The following CRMP1 variants were observed in gnomAD, a reference collection of about 807,000 sequenced individuals.
The protein encoded by CRMP1 is collapsin response mediator protein 1, also known as dihydropyrimidinase-related protein 1.
A neutral mutation model predicts 68.3 loss-of-function variants in CRMP1; 19 were observed. That is an observed-to-expected ratio of 0.28 (90% CI 0.19 to 0.41). The LOEUF is 0.41. Ranked by LOEUF, CRMP1 falls within the 10% of genes least tolerant of loss-of-function variation. The pLI, the probability that CRMP1 is intolerant of heterozygous loss-of-function variation, is 1.00. For synonymous variants in CRMP1, 439 were observed against 399.6 expected, an observed-to-expected ratio of 1.10 and a Z score of -1.18; for missense variants, 791 against 967.4, an observed-to-expected ratio of 0.82 and a Z score of 2.42.
At chr4:5,836,955 G>C (rs760581438) in intron 9 of CRMP1, 49 bp from the exon 10 acceptor site, 1 of 1,548,824 alleles carries the variant, frequency 6.5e-7, no homozygotes, top group Non-Finnish European at 8.7e-7. Context: ...TCATTTTGAA[G>C]GCAAATCCTG....
intron 2 of CRMP1, among the ~76,000 whole-genome samples, chr4:5,863,365 A>G (rs1449250830): frequency 6.6e-6 from 1 of 152,162 alleles, no homozygotes; most frequent in African/African-American, 2.4e-5. Flanking sequence ...CCAAGGCCAC[A>G]CAGCAAGTCA....
rs888505656 is a variant in CRMP1, at chr4:5,866,581, A to T, written c.470+87T>A. 1.0e-6 allele frequency: 1 copy of T among 956,706 alleles called. No homozygotes were observed. Among genetic ancestry groups the T allele is most frequent in the African/African-American group, 1.6e-5 (1 of 60,958 alleles). The allele number at this position is 956,706 out of a possible 1,614,324, so 59.3% of individuals were successfully genotyped here. A position where few individuals can be genotyped will look rare whatever the true frequency, so the allele number is the denominator to read the frequency against. Reference sequence around the variant, plus strand: ...CACAGGTACACAGCCCCGTCATTCTAGGACAGAATGCCAGCCTTCTGTTCC... The same window carrying T: ...CACAGGTACACAGCCCCGTCATTCTTGGACAGAATGCCAGCCTTCTGTTCC... On this transcript the variant is annotated intron_variant, in intron 2 of 13. Coordinates refer to ENST00000324989, the MANE Select transcript of CRMP1 (RefSeq NM_001014809.3). This position sits in a 1 kb window ranked among gnomAD's most constrained non-coding sequence, Gnocchi z 5.9.
chr4:5,852,309 G>A (rs1712720992), intron 4 of CRMP1, among the ~76,000 whole-genome samples: 1 of 152,200 alleles, frequency 6.6e-6, no homozygotes, highest in African/African-American at 2.4e-5. Flanking sequence ...TTTCTGCAAA[G>A]AGGACATTAC....
In CRMP1 at chr4:5,889,738, G is replaced by GGCTT; in HGVS notation, c.381+2847_381+2850dup. On this transcript the variant is annotated intron_variant, in intron 1 of 13. Coordinates refer to ENST00000324989, the MANE Select transcript of CRMP1 (RefSeq NM_001014809.3). The surrounding 1 kb of genome is among the most constrained non-coding windows in gnomAD (Gnocchi z 4.5). ...TGCCATCCAGAGCGAGGGTGGCCTA[G>GGCTT]GCTTGGTACAGCTCCCCCAGCACTG... 1 of 1,535,568 alleles carries GGCTT rather than the reference G, an allele frequency of 6.5e-7. No homozygotes were observed. The highest frequency in any genetic ancestry group is 8.7e-7 in the Non-Finnish European group (1 of 1,146,558).
chr4:5,849,568 G>C (rs1308274682), intron 5 of CRMP1, 96 bp from the exon 6 acceptor site: 7 of 777,562 alleles, frequency 9.0e-6, no homozygotes, highest in Non-Finnish European at 1.5e-5. Context: ...ACACCCATTC[G>C]GTCATTCACC....
At chr4:5,876,066 T>G (rs1291962071) in intron 1 of CRMP1, among the ~76,000 whole-genome samples, 1 of 149,782 alleles carries the variant, frequency 6.7e-6, no homozygotes, top group Non-Finnish European at 1.5e-5. Flanking sequence ...GGCAGGAAAA[T>G]GGCATGAGCC....
In CRMP1 at chr4:5,865,710, C is replaced by A. The variant is rs1020479975; in HGVS notation, c.470+958G>T. On this transcript the variant is annotated intron_variant, in intron 2 of 13. Transcript: ENST00000324989. This position sits in a 1 kb window ranked among gnomAD's most constrained non-coding sequence, Gnocchi z 4.1. ...TATCTCCCAAAATTCATGTTGAAGCCCCAGCCCACCCCATGGGACTACCTT... is the reference window on the plus strand; with the variant it reads ...TATCTCCCAAAATTCATGTTGAAGCACCAGCCCACCCCATGGGACTACCTT... Among the ~76,000 whole-genome samples the A allele has an allele frequency of 6.6e-6, 1 of 151,980 alleles. No individual in the cohort carries two copies. The highest frequency in any genetic ancestry group is 2.4e-5 in the African/African-American group (1 of 41,382).
Position 5,876,430 on chromosome 4 carries a change from CCTGA to C in CRMP1, c.382-9678_382-9675del, listed in dbSNP as rs562611506. Among the ~76,000 whole-genome samples the C allele has an allele frequency of 6.6e-5, 10 of 152,200 alleles. No individual in the cohort carries two copies. The East Asian group carries it at 1.7e-3, about 27-fold the overall frequency. On this transcript the variant is annotated intron_variant, in intron 1 of 13. Coordinates refer to ENST00000324989, the MANE Select transcript of CRMP1 (RefSeq NM_001014809.3). ...GGCCACGCAAATTCAGATGAGGTTA[CCTGA>C]TTCCTCAGTGGGAAGGGCAGGAAAG...
intron 13 of CRMP1, chr4:5,824,221 G>A (rs1199424541): frequency 1.1e-6 from 1 of 882,672 alleles, no homozygotes; most frequent in Non-Finnish European, 1.4e-6. Flanking sequence ...CTTGTGTCTT[G>A]TTGCACCCAG....
rs1715993862 is a variant in CRMP1, at chr4:5,892,424, A to G, written c.381+165T>C. Among the ~76,000 whole-genome samples the G allele has an allele frequency of 6.6e-6, 1 of 151,936 alleles. No individual in the cohort carries two copies. On this transcript the variant is annotated intron_variant, in intron 1 of 13. Coordinates refer to ENST00000324989, the MANE Select transcript of CRMP1 (RefSeq NM_001014809.3). The surrounding 1 kb of genome is among the most constrained non-coding windows in gnomAD (Gnocchi z 8.6). Reference sequence around the variant, plus strand: ...CCGACCGAGTCGCCCCAGCTCTGGGAACCTCTTGCATGATGAGGTGGGGGA... The same window carrying G: ...CCGACCGAGTCGCCCCAGCTCTGGGGACCTCTTGCATGATGAGGTGGGGGA...
intron 2 of CRMP1, among the ~76,000 whole-genome samples, chr4:5,862,333 C>T (rs10223007): frequency 6.8e-6 from 1 of 147,562 alleles, no homozygotes; most frequent in Non-Finnish European, 1.5e-5. Context: ...GAATGTCCAC[C>T]GCCGCTGCTT....
rs946483184 is a variant in CRMP1 at position 5,835,938 on chromosome 4, T to C, written c.1600A>G (p.Ile534Val). The C allele has an allele frequency of 5.7e-6, 9 of 1,565,748 alleles. No homozygotes were observed. Among genetic ancestry groups the C allele is most frequent in the Non-Finnish European group, 3.5e-6 (4 of 1,158,332 alleles). The change falls in exon 11 of 14, where the codon ATA (isoleucine) becomes GTA (valine). Residue 534 changes from isoleucine to valine, a missense_variant. Around this residue, in one of 3 missense-constraint regions of CRMP1, gnomAD observed 594 missense variants for 763.6 expected, o/e 0.78. Coordinates refer to ENST00000324989, the MANE Select transcript of CRMP1 (RefSeq NM_001014809.3). Reference protein sequence around the residue: ...VIWDPDKLKTITAKSHKSAVE... With the variant: ...VIWDPDKLKTVTAKSHKSAVE... ...ACCGACTTGTGACTTTTGGCTGTTA[T>C]GGTCTTCAACTTGTCGGGGTCCCAG...
intron 11 of CRMP1, among the ~76,000 whole-genome samples, chr4:5,830,414 A>AAAGGG (rs1560486563): frequency 1.3e-5 from 2 of 152,320 alleles, no homozygotes; most frequent in East Asian, 3.9e-4. Flanking sequence ...TTGCTTAGCA[A>AAAGGG]GATCCTTTCC....
intron 1 of CRMP1, among the ~76,000 whole-genome samples, chr4:5,884,144 G>A (rs1577848869): frequency 1.3e-5 from 2 of 152,188 alleles, no homozygotes; most frequent in South Asian, 2.1e-4. Flanking sequence ...CCTGCTATTC[G>A]ACTTCCATCT....
rs185976051 is a variant in CRMP1 at position 5,836,523 on chromosome 4, C to G, written c.1452+242G>C. 4.6e-3 allele frequency among the ~76,000 whole-genome samples: 704 copies of G among 152,286 alleles called. 5 individuals carry two copies. The highest frequency in any genetic ancestry group is 6.2e-3 in the Non-Finnish European group (424 of 68,024). ...ACTAAGACGTGGTTGAGAAACAAAA[C>G]AAAACATTTTTCAATCTTAAGATGT... On this transcript the variant is annotated intron_variant, in intron 10 of 13. Coordinates refer to ENST00000324989, the MANE Select transcript of CRMP1 (RefSeq NM_001014809.3).
chr4:5,825,782 ACACACACAACACG>A lies in CRMP1; in HGVS notation c.1804-136_1804-124del. ...GGTCACTTCAAATGTGCATGCACAC[ACACACACAACACG>A]CACACACGACAGGTGCACTTCACAC... On this transcript the variant is annotated intron_variant, in intron 12 of 13. Transcript: ENST00000324989. The surrounding 1 kb of genome is among the most constrained non-coding windows in gnomAD (Gnocchi z 4.4). 2.3e-6 allele frequency: 2 copies of A among 864,352 alleles called. No individual in the cohort carries two copies. The highest frequency in any genetic ancestry group is 3.6e-6 in the Non-Finnish European group (2 of 555,368). 53.5% of individuals were successfully genotyped at this position (864,352 alleles called of 1,614,324 possible).
intron 2 of CRMP1, among the ~76,000 whole-genome samples, chr4:5,864,584 G>A (rs1171568754): frequency 6.6e-6 from 1 of 152,070 alleles, no homozygotes; most frequent in African/African-American, 2.4e-5. Context: ...GGGGGGCCAC[G>A]AGGCAAGGCC....
rs2152427203 is a variant in CRMP1 at position 5,821,944 on chromosome 4, T to C, written c.1970-93A>G. The C allele has an allele frequency of 1.0e-6, 1 of 963,890 alleles. No individual in the cohort carries two copies. Among genetic ancestry groups the C allele is most frequent in the Non-Finnish European group, 1.5e-6 (1 of 687,848 alleles). 59.7% of individuals were successfully genotyped at this position (963,890 alleles called of 1,614,324 possible). A position where few individuals can be genotyped will look rare whatever the true frequency, so the allele number is the denominator to read the frequency against. On this transcript the variant is annotated intron_variant, in intron 13 of 13. Transcript: ENST00000324989. The surrounding 1 kb of genome is among the most constrained non-coding windows in gnomAD (Gnocchi z 4.4). ...CCATGTACTCTGCCATGCACTCCAC[T>C]GGACCCACCTTCATTCAGGGCTCAG...
rs1715841539 is a variant in CRMP1 at position 5,889,505 on chromosome 4, C to G, written c.381+3084G>C. On this transcript the variant is annotated intron_variant, in intron 1 of 13. Transcript: ENST00000324989. The surrounding 1 kb of genome is among the most constrained non-coding windows in gnomAD (Gnocchi z 4.5). The stretch of plus-strand genomic sequence containing the variant: ...GGCAGGAAGCCAGGTCACAGCTTGA[C>G]AAGGTCCGTAACAGCAGAGGGGAAA... The G allele has an allele frequency of 4.0e-6, 6 of 1,481,594 alleles. No individual in the cohort carries two copies. Among genetic ancestry groups the G allele is most frequent in the African/African-American group, 2.8e-5 (2 of 71,850 alleles). The allele number at this position is 1,481,594 out of a possible 1,614,324, so 91.8% of individuals were successfully genotyped here.
Sources: gnomAD v4.1 joint callset for allele counts (sites outside exome capture counted in the v4.1 genomes callset) on GRCh38, gnomAD v4.1.1 for gene constraint, gnomAD v4.1.1 regional missense constraint, Gnocchi (gnomAD v3.1) non-coding constraint, MANE v1.5 for transcripts, NCBI Gene and HGNC (gene_info 2026-07-23, HGNC 2026-07-21) for gene names.